Variants in MORC4 observed in about 807,000 individuals in gnomAD.
MORC4 encodes the protein MORC family CW-type zinc finger 4, also known as MORC family CW-type zinc finger protein 4.
In MORC4, 22 loss-of-function variants were observed where a neutral mutation model predicts 65.5. That is an observed-to-expected ratio of 0.34 (90% CI 0.24 to 0.48). The LOEUF (loss-of-function observed/expected upper bound fraction) is 0.48, where lower values mean the gene tolerates loss of function less well. Ranked by LOEUF, MORC4 falls within the 20% of genes least tolerant of loss-of-function variation. The pLI, the probability that MORC4 is intolerant of heterozygous loss-of-function variation, is 0.99. For missense variants in MORC4, 624 were observed against 703.0 expected (o/e 0.89, Z 1.27); for synonymous variants, 267 against 255.8 (o/e 1.04, Z -0.42).
intron 9 of MORC4, among the ~76,000 whole-genome samples, chrX:106,970,578 G>A (rs893604415): frequency 1.8e-5 from 2 of 111,871 alleles, no homozygotes; most frequent in African/African-American, 6.5e-5. Flanking sequence ...AAACCCCATT[G>A]TCTCAGCCCA....
At chrX:106,999,363 G>A (rs947328064) in intron 2 of MORC4, among the ~76,000 whole-genome samples, 2 of 111,683 alleles carry the variant, frequency 1.8e-5, no homozygotes, top group South Asian at 3.8e-4. Flanking sequence ...AGGGCCCGAG[G>A]TTTTTATGCA....
At chrX:106,967,750 G>C (rs1361121873) in intron 9 of MORC4, among the ~76,000 whole-genome samples, 2 of 111,696 alleles carry the variant, frequency 1.8e-5, no homozygotes, top group African/African-American at 6.5e-5. Flanking sequence ...AATAAAGTGA[G>C]AAGACAAGAT....
intron 14 of MORC4, among the ~76,000 whole-genome samples, chrX:106,953,894 C>T (rs773375762): frequency 3.2e-4 from 36 of 112,185 alleles, no homozygotes; most frequent in Non-Finnish European, 6.0e-4. Context: ...GAGGCCAAGG[C>T]GGGTGAATCA....
chrX:106,942,030 T>C lies in MORC4; in HGVS notation c.2568A>G (p.Leu856=), dbSNP rs1312981644. ...LERTKEEKQE[L]KEKLKETETH... ...TCTCTGTTTCCTTCAGTTTCTCTTT[T>C]AACTCTTGCTTTTCCTCTTTGGTTC... Residue 856 remains leucine, a synonymous_variant, in exon 16 of 17, where the codon TTA becomes TTG. Coordinates refer to ENST00000355610, the MANE Select transcript of MORC4 (RefSeq NM_024657.5). 3 of 1,211,578 alleles carry C rather than the reference T, an allele frequency of 2.5e-6. No individual in the cohort carries two copies. Among genetic ancestry groups the C allele is most frequent in the Non-Finnish European group, 1.1e-6 (1 of 895,339 alleles).
Position 106,954,993 on chromosome X carries a change from C to A in MORC4, c.1605G>T (p.Val535=), listed in dbSNP as rs1182986642. The A allele has an allele frequency of 8.3e-7, 1 of 1,206,291 alleles. No individual in the cohort carries two copies. Among genetic ancestry groups the A allele is most frequent in the Non-Finnish European group, 1.1e-6 (1 of 891,221 alleles). Residue 535 remains valine, a synonymous_variant, in exon 14 of 17, where the codon GTG becomes GTT. Coordinates refer to ENST00000355610, the MANE Select transcript of MORC4 (RefSeq NM_024657.5). ...IGYEGIHSPS[V]LPSGGEESRS... Reference sequence around the variant, plus strand: ...TGCTTTCTTCTCCACCAGAAGGAAGCACACTAGGGCTATGAATTCCCTCAT... The same window carrying A: ...TGCTTTCTTCTCCACCAGAAGGAAGAACACTAGGGCTATGAATTCCCTCAT...
chrX:106,962,341 AC>A (rs954954194), intron 9 of MORC4, among the ~76,000 whole-genome samples: 3 of 112,459 alleles, frequency 2.7e-5, no homozygotes, highest in African/African-American at 9.7e-5. Context: ...TGAAATGGTC[AC>A]AAGTGCTAAA....
intron 9 of MORC4, among the ~76,000 whole-genome samples, chrX:106,976,337 C>A (rs1047193065): frequency 8.9e-6 from 1 of 111,907 alleles, no homozygotes; most frequent in Admixed American, 9.5e-5. Context: ...AAATCTTTTA[C>A]CAAATTACTC....
chrX:106,984,221 G>T (rs1017720442), intron 5 of MORC4, among the ~76,000 whole-genome samples: 2 of 108,987 alleles, frequency 1.8e-5, no homozygotes, highest in Non-Finnish European at 3.8e-5. Context: ...AGGAGGTGAA[G>T]GTTACAGTGA....
chrX:106,987,705 TACTC>T (rs1209679707), intron 3 of MORC4, among the ~76,000 whole-genome samples: 5 of 111,524 alleles, frequency 4.5e-5, no homozygotes, highest in Non-Finnish European at 7.5e-5. Flanking sequence ...GTTTTGTGTT[TACTC>T]ACTAAGAAAG....
chrX:106,946,631 T>C (rs1602473416), intron 14 of MORC4, among the ~76,000 whole-genome samples: 1 of 112,433 alleles, frequency 8.9e-6, no homozygotes, highest in Admixed American at 9.4e-5. Context: ...TTTTCCGTTT[T>C]CTTGGGTATA....
In MORC4 at chrX:106,947,057, T is replaced by G. The variant is rs972568872; in HGVS notation, c.1686-3852A>C. On this transcript the variant is annotated intron_variant, in intron 14 of 16. Transcript: ENST00000355610. ...TTTTAATTTTCATATTTTCAATATA[T>G]TTTTACATTTCCAATGTGATTTTTT... 8.0e-5 allele frequency among the ~76,000 whole-genome samples: 9 copies of G among 112,023 alleles called. No individual in the cohort carries two copies. The Admixed American group carries it at 8.6e-4, about 11-fold the overall frequency.
intron 14 of MORC4, among the ~76,000 whole-genome samples, chrX:106,946,051 C>T (rs548959206): frequency 6.3e-5 from 7 of 111,951 alleles, no homozygotes; most frequent in African/African-American, 2.3e-4. Flanking sequence ...CCAAAAATCA[C>T]GGCCCTGTAA....
chrX:106,986,968 C>T (rs891503576), intron 3 of MORC4, among the ~76,000 whole-genome samples: 2 of 111,531 alleles, frequency 1.8e-5, no homozygotes, highest in African/African-American at 6.5e-5. Flanking sequence ...TTGTATTTTC[C>T]ATTCAGGTAC....
At position 106,964,649 on chromosome X, in the gene MORC4, T is replaced by C. The variant is rs757097446; in HGVS notation, c.1158-2539A>G. Among the ~76,000 whole-genome samples, 89 of 111,892 alleles carry C rather than the reference T, an allele frequency of 8.0e-4. 1 individual carries two copies. The highest frequency in any genetic ancestry group is 2.7e-3 in the African/African-American group (82 of 30,825). ...CCAAGAGAGAAACAACATATTACAT[T>C]CAAGGAATCCTTGAAGTTTGTAACT... On this transcript the variant is annotated intron_variant, in intron 9 of 16. Transcript: ENST00000355610.
intron 9 of MORC4, among the ~76,000 whole-genome samples, chrX:106,972,540 G>A (rs1198929180): frequency 9.0e-6 from 1 of 111,499 alleles, no homozygotes; most frequent in Non-Finnish European, 1.9e-5. Flanking sequence ...ATAGATATAG[G>A]ATTCCCTAGG....
intron 5 of MORC4, among the ~76,000 whole-genome samples, chrX:106,984,805 A>G (rs1345514737): frequency 9.1e-6 from 1 of 109,545 alleles, no homozygotes; most frequent in African/African-American, 3.3e-5. Context: ...ACAAAGTTAC[A>G]TAAAAGTATG....
chrX:106,978,089 G>A lies in MORC4; in HGVS notation c.1047C>T (p.Cys349=). Residue 349 remains cysteine, a synonymous_variant, in exon 8 of 17, where the codon TGC becomes TGT. Transcript: ENST00000355610. ...RLIKSFEKVG[C]QVKPTRGEGV... ...AATATTAACTACTCACCTTCACCTG[G>A]CACCCCACCTTCTCAAAAGATTTTA... 1 of 1,207,471 alleles carries A rather than the reference G, an allele frequency of 8.3e-7. No individual in the cohort carries two copies. Among genetic ancestry groups the A allele is most frequent in the Non-Finnish European group, 1.1e-6 (1 of 893,041 alleles).
At chrX:106,989,174 C>G (rs1008982681) in intron 3 of MORC4, among the ~76,000 whole-genome samples, 2 of 112,036 alleles carry the variant, frequency 1.8e-5, no homozygotes, top group African/African-American at 6.5e-5. Flanking sequence ...CACTTCTGAG[C>G]ACAGGTAGCA....
At chrX:106,989,244 C>T (rs1934931588) in intron 3 of MORC4, among the ~76,000 whole-genome samples, 1 of 112,266 alleles carries the variant, frequency 8.9e-6, no homozygotes, top group Non-Finnish European at 1.9e-5. Context: ...AGGTTTTCCA[C>T]CTTGCTGAAA....
Sources: gnomAD v4.1 joint callset for allele counts (sites outside exome capture counted in the v4.1 genomes callset) on GRCh38, gnomAD v4.1.1 for gene constraint, MANE v1.5 for transcripts, NCBI Gene and HGNC (gene_info 2026-07-23, HGNC 2026-07-21) for gene names.